The following CCDC110 variants were observed in gnomAD, a reference collection of about 807,000 sequenced individuals.
The protein encoded by CCDC110 is coiled-coil domain containing 110.
In CCDC110, 70 loss-of-function variants were observed where a neutral mutation model predicts 77.1. That is an observed-to-expected ratio of 0.91 (90% CI 0.75 to 1.11). The LOEUF (loss-of-function observed/expected upper bound fraction) is 1.11, where lower values mean the gene tolerates loss of function less well. CCDC110 is among the 50% of genes least tolerant of loss of function. CCDC110 has a pLI of 0.00. For synonymous variants in CCDC110, 295 were observed against 312.5 expected (o/e 0.94, Z 0.59); for missense variants, 868 against 942.9 (o/e 0.92, Z 1.04).
At chr4:185,466,099 G>GGC (rs2095655166) in intron 2 of CCDC110, among the ~76,000 whole-genome samples, 1 of 152,158 alleles carries the variant, frequency 6.6e-6, no homozygotes, top group Non-Finnish European at 1.5e-5. Context: ...GGATGGGCCG[G>GGC]GTGCAGTGGC....
At chr4:185,449,772 C>G (rs889857355) in intron 6 of CCDC110, 2 of 545,814 alleles carry the variant, frequency 3.7e-6, no homozygotes, top group Non-Finnish European at 6.4e-6. Context: ...TTCTGCAACT[C>G]TAATTCTCTT....
chr4:185,457,445 G>T, intron 6 of CCDC110: 1 of 349,926 alleles, frequency 2.9e-6, no homozygotes, highest in South Asian at 2.6e-5. Flanking sequence ...TAGAAACTGG[G>T]GCTTGGACAA....
chr4:185,457,728 T>C, intron 6 of CCDC110: 2 of 1,300,680 alleles, frequency 1.5e-6, no homozygotes, highest in Non-Finnish European at 2.0e-6. Context: ...GGGGAAAAAG[T>C]ACTTGGACAA....
At chr4:185,467,148 G>GTA (rs2095657742) in intron 2 of CCDC110, among the ~76,000 whole-genome samples, 1 of 152,214 alleles carries the variant, frequency 6.6e-6, no homozygotes, top group Admixed American at 6.5e-5. Flanking sequence ...TGGAAATAAA[G>GTA]TAAGTTTTCC....
rs1561161543 is a variant in CCDC110, at chr4:185,459,649, G to C, written c.938C>G (p.Ser313Ter). The C allele has an allele frequency of 1.2e-6, 2 of 1,611,120 alleles. No individual in the cohort carries two copies. The highest frequency in any genetic ancestry group is 8.5e-7 in the Non-Finnish European group (1 of 1,179,120). The change falls in exon 6 of 7, where the codon TCA (serine) becomes TGA (stop). Residue 313 changes from serine (S) to a stop codon, truncating the protein, a stop_gained. Transcript: ENST00000307588. LOFTEE classifies it high-confidence loss of function. ...TTTCTTCACTAATGCCTCTAATTCT[G>C]AAATTCTCTTTGATTTTATATCTTC... is the stretch of plus-strand genomic sequence containing the variant. ...LNEDIKSKRI[S>*]ELEALVKKLL...
At chr4:185,450,742 T>TA (rs59657318) in intron 6 of CCDC110, among the ~76,000 whole-genome samples, 33,171 of 136,416 alleles carry the variant, frequency 0.24, 4,741 homozygotes, top group African/African-American at 0.4. Flanking sequence ...AGACTCTGTC[T>TA]AAAAAAAAAA....
At chr4:185,452,750 C>A (rs1303328983) in intron 6 of CCDC110, among the ~76,000 whole-genome samples, 1 of 151,962 alleles carries the variant, frequency 6.6e-6, no homozygotes, top group Non-Finnish European at 1.5e-5. Flanking sequence ...CAAAAATTAA[C>A]CAGGCATGGT....
Position 185,461,068 on chromosome 4 carries a change from G to A in CCDC110, c.329C>T (p.Thr110Met), listed in dbSNP as rs527900345. 61 of 1,577,498 alleles carry A rather than the reference G, an allele frequency of 3.9e-5. No individual in the cohort carries two copies. Among genetic ancestry groups the A allele is most frequent in the African/African-American group, 2.9e-4 (21 of 72,750 alleles). ...FSSEKNLVFGTRIEKDLPTEN... is the reference protein window; with the variant it reads ...FSSEKNLVFGMRIEKDLPTEN... ...ACATACCAAATCCTTTTCAATGCGCGTGCCAAACACCAGATTTTTTTCTGA... is the reference window on the plus strand; with the variant it reads ...ACATACCAAATCCTTTTCAATGCGCATGCCAAACACCAGATTTTTTTCTGA... Residue 110 changes from threonine (T) to methionine (M), a missense_variant, in exon 5 of 7, where the codon ACG (threonine) becomes ATG (methionine). Coordinates refer to ENST00000307588, the MANE Select transcript of CCDC110 (RefSeq NM_152775.4).
At position 185,459,812 on chromosome 4, in the gene CCDC110, C is replaced by T; in HGVS notation, c.775G>A (p.Glu259Lys). Residue 259 changes from glutamate to lysine, a missense_variant, in exon 6 of 7, where the codon GAA becomes AAA. By Grantham distance (56) the Glu-to-Lys change is moderately conservative. Coordinates refer to ENST00000307588, the MANE Select transcript of CCDC110 (RefSeq NM_152775.4). ...KEELQKSHDG[E>K]VALTNELQTL... ...TGAAGTTCATTTGTAAGTGCCACTT[C>T]CCCATCATGTGACTTTTGAAGCTCT... is the stretch of plus-strand genomic sequence containing the variant. The T allele has an allele frequency of 6.2e-7, 1 of 1,613,530 alleles. No individual in the cohort carries two copies. The highest frequency in any genetic ancestry group is 1.3e-5 in the African/African-American group (1 of 75,048).
In CCDC110 at chr4:185,470,709, T is replaced by C. The variant is rs1561172899; in HGVS notation, c.115+236A>G. ...AGGGAGTTAACCTCTCTGTGCCCGT[T>C]TCCTTATCTGCAAAATGGGGATCGT... On this transcript the variant is annotated intron_variant, in intron 2 of 6. Coordinates refer to ENST00000307588, the MANE Select transcript of CCDC110 (RefSeq NM_152775.4). 5 of 615,042 alleles carry C rather than the reference T, an allele frequency of 8.1e-6. No individual in the cohort carries two copies. The East Asian group carries it at 1.7e-4, about 21-fold the overall frequency. 38.1% of individuals were successfully genotyped at this position (615,042 alleles called of 1,614,324 possible).
At chr4:185,445,681 T>C in intron 6 of CCDC110, 139 bp from the exon 7 acceptor site, 2 of 569,502 alleles carry the variant, frequency 3.5e-6, no homozygotes. Context: ...AAAAAGTTCT[T>C]TGGAGTAAAA....
chr4:185,450,077 T>A (rs887678940), intron 6 of CCDC110, among the ~76,000 whole-genome samples: 2 of 152,234 alleles, frequency 1.3e-5, no homozygotes, highest in African/African-American at 4.8e-5. Flanking sequence ...TACTAAAGCA[T>A]TCTTAACATC....
intron 2 of CCDC110, among the ~76,000 whole-genome samples, chr4:185,464,283 C>G (rs1188311998): frequency 6.6e-6 from 1 of 152,120 alleles, no homozygotes; most frequent in Non-Finnish European, 1.5e-5. Context: ...TGCTCTCTGA[C>G]CCTCACCACC....
rs866960989 is a variant in CCDC110, at chr4:185,471,060, A to G, written c.11-11T>C. On this transcript the variant is annotated splice_polypyrimidine_tract_variant and intron_variant, in intron 1 of 6. Coordinates refer to ENST00000307588, the MANE Select transcript of CCDC110 (RefSeq NM_152775.4). The stretch of plus-strand genomic sequence containing the variant: ...CCCGGTGCTGCTTTTCTGTAACAGA[A>G]CCGTCCGGGGCTGTTCTGTCGCGGG... The G allele has an allele frequency of 7.2e-7, 1 of 1,395,538 alleles. No homozygotes were observed. Among genetic ancestry groups the G allele is most frequent in the Middle Eastern group, 1.9e-4 (1 of 5,248 alleles). The allele number at this position is 1,395,538 out of a possible 1,614,324, so 86.4% of individuals were successfully genotyped here.
intron 6 of CCDC110, among the ~76,000 whole-genome samples, chr4:185,446,773 A>G (rs2095612924): frequency 2.0e-5 from 3 of 152,118 alleles, no homozygotes; most frequent in African/African-American, 2.4e-5. Flanking sequence ...GTACTTTAAG[A>G]TGTGTTTTCT....
At chr4:185,446,631 A>C (rs957935426) in intron 6 of CCDC110, among the ~76,000 whole-genome samples, 4 of 152,200 alleles carry the variant, frequency 2.6e-5, no homozygotes, top group Admixed American at 2.0e-4. Context: ...TTTTATGTTG[A>C]GAGTTTGCAA....
chr4:185,466,351 G>A lies in CCDC110; in HGVS notation c.116-3302C>T, dbSNP rs537004118. 7.4e-4 allele frequency among the ~76,000 whole-genome samples: 113 copies of A among 152,114 alleles called. 1 individual carries two copies. Among genetic ancestry groups the A allele is most frequent in the African/African-American group, 2.7e-3 (113 of 41,498 alleles). ...GATTGTGCCACTGCACTCCAGCCTG[G>A]GAGACAAGAGCGAAACTCCATCTAA... On this transcript the variant is annotated intron_variant, in intron 2 of 6. Transcript: ENST00000307588.
At position 185,470,960 on chromosome 4, in the gene CCDC110, C is replaced by T; in HGVS notation, c.100G>A (p.Gly34Ser). 1 of 1,611,012 alleles carries T rather than the reference C, an allele frequency of 6.2e-7. No individual in the cohort carries two copies. The highest frequency in any genetic ancestry group is 8.5e-7 in the Non-Finnish European group (1 of 1,178,780). Residue 34 changes from glycine to serine, a missense_variant, in exon 2 of 7, where the codon GGC becomes AGC. Transcript: ENST00000307588. Reference protein sequence around the residue: ...LNSSEGVKESGCSDTEYGCIA... With the variant: ...LNSSEGVKESSCSDTEYGCIA... ...GCGATTTTACCTGTGTCACTGCAGC[C>T]ACTTTCCTTCACCCCCTCCGAAGAA...
chr4:185,470,448 A>C, intron 2 of CCDC110: 1 of 345,672 alleles, frequency 2.9e-6, no homozygotes, highest in Non-Finnish European at 5.7e-6. Flanking sequence ...TGGTACTGTT[A>C]TTTTTAAAAA....
Sources: allele counts gnomAD v4.1 joint callset (sites outside exome capture counted in the v4.1 genomes callset), GRCh38; gene constraint gnomAD v4.1.1; transcripts MANE v1.5; gene names NCBI Gene and HGNC (gene_info 2026-07-23, HGNC 2026-07-21).